Variants in FAS observed in about 807,000 individuals in gnomAD.
FAS encodes the protein Fas cell surface death receptor, also known as tumor necrosis factor receptor superfamily member 6.
In FAS, 5 loss-of-function variants were observed where a neutral mutation model predicts 33.2. That is an observed-to-expected ratio of 0.15 (90% confidence interval 0.08 to 0.32). FAS has a LOEUF of 0.32. Ranked by LOEUF, FAS falls within the 10% of genes least tolerant of loss-of-function variation. FAS has a pLI of 1.00. For synonymous variants in FAS, 131 were observed against 130.7 expected, an observed-to-expected ratio of 1.00 and a Z score of -0.01; for missense variants, 339 against 386.0, an observed-to-expected ratio of 0.88 and a Z score of 1.02.
chr10:88,981,003 G>A (rs1432234541), intron 2 of FAS, among the ~76,000 whole-genome samples: 1 of 152,200 alleles, frequency 6.6e-6, no homozygotes, highest in African/African-American at 2.4e-5. Context: ...TTGGACTATG[G>A]AGGAATAGGG....
At chr10:88,973,164 C>T in intron 1 of FAS, 1 of 1,605,798 alleles carries the variant, frequency 6.2e-7, no homozygotes, top group Non-Finnish European at 8.5e-7. Flanking sequence ...CCTTCCCTTT[C>T]TTCTGTGTGA....
At chr10:88,968,524 A>T (rs189222015) in intron 1 of FAS, among the ~76,000 whole-genome samples, 41 of 152,312 alleles carry the variant, frequency 2.7e-4, no homozygotes, top group African/African-American at 9.4e-4. Context: ...GGCACAGTGC[A>T]TTTTGCACAC....
At chr10:88,984,561 G>C (rs1186082390), upstream of FAS, among the ~76,000 whole-genome samples, 3 of 152,204 alleles carry the variant, frequency 2.0e-5, no homozygotes, top group African/African-American at 7.2e-5. Flanking sequence ...AGATATCCCA[G>C]TGTTTGCAAA....
rs1761300609 is a variant in FAS at position 89,013,273 on chromosome 10, G to T, written c.652-70G>T. The T allele has an allele frequency of 4.1e-6, 6 of 1,464,128 alleles. No individual in the cohort carries two copies. The African/African-American group carries it at 5.6e-5, about 14-fold the overall frequency. The allele number at this position is 1,464,128 out of a possible 1,614,324, so 90.7% of individuals were successfully genotyped here. A position where few individuals can be genotyped will look rare whatever the true frequency, so the allele number is the denominator to read the frequency against. On this transcript the variant is annotated intron_variant, in intron 7 of 8. Coordinates refer to ENST00000652046, the MANE Select transcript of FAS (RefSeq NM_000043.6). Reference sequence around the variant, plus strand: ...TTTCTGAATTAAGGAAAAATTAGAAGTTCACATTTAGAATATTCTAAAGAT... The same window carrying T: ...TTTCTGAATTAAGGAAAAATTAGAATTTCACATTTAGAATATTCTAAAGAT...
chr10:89,010,683 T>C (rs1848485338), intron 5 of FAS, 70 bp from the exon 6 acceptor site: 1 of 1,606,782 alleles, frequency 6.2e-7, no homozygotes, highest in South Asian at 1.1e-5. Flanking sequence ...TCTTGATTAC[T>C]AGAAAGTCCT....
intron 1 of FAS, among the ~76,000 whole-genome samples, chr10:88,971,043 C>T (rs1846434211): frequency 6.6e-6 from 1 of 152,238 alleles, no homozygotes; most frequent in Non-Finnish European, 1.5e-5. Flanking sequence ...ACCTTGTCTT[C>T]TGTCATGATC....
At chr10:88,979,978 G>A (rs1213322479) in intron 2 of FAS, among the ~76,000 whole-genome samples, 1 of 152,228 alleles carries the variant, frequency 6.6e-6, no homozygotes, top group East Asian at 1.9e-4. Flanking sequence ...GAGCTTGACA[G>A]ATGCAGAAAA....
chr10:89,004,521 C>T (rs1046507436), intron 2 of FAS, among the ~76,000 whole-genome samples: 2 of 142,108 alleles, frequency 1.4e-5, no homozygotes, highest in African/African-American at 2.6e-5. Flanking sequence ...CCCCCTCCCC[C>T]CAACCCACTG....
rs1564701209 is a variant in FAS at position 89,015,012 on chromosome 10, A to G, written c.*562A>G. Reference sequence around the variant, plus strand: ...AGAATTTAAATAAGGCTCTACCTCAAAGACCTTTGCACAGTTTATTGGTGT... The same window carrying G: ...AGAATTTAAATAAGGCTCTACCTCAGAGACCTTTGCACAGTTTATTGGTGT... On this transcript the variant is annotated 3_prime_UTR_variant, in exon 9 of 9. Transcript: ENST00000652046. 1.1e-5 allele frequency: 6 copies of G among 532,996 alleles called. No homozygotes were observed. Among genetic ancestry groups the G allele is most frequent in the Admixed American group, 2.2e-5 (1 of 44,926 alleles). The allele number at this position is 532,996 out of a possible 1,614,324, so 33.0% of individuals were successfully genotyped here.
intron 1 of FAS, among the ~76,000 whole-genome samples, chr10:89,000,122 G>A (rs1457825389): frequency 6.6e-6 from 1 of 152,168 alleles, no homozygotes. Flanking sequence ...GAAATAAAAT[G>A]GCTTTGATTA....
rs2133385516 is a variant in FAS, at chr10:88,990,989, C to T, written c.30+83C>T. 1.3e-6 allele frequency: 2 copies of T among 1,593,584 alleles called. No homozygotes were observed. The highest frequency in any genetic ancestry group is 1.7e-6 in the Non-Finnish European group (2 of 1,163,416). On this transcript the variant is annotated intron_variant, in intron 1 of 8. Coordinates refer to ENST00000652046, the MANE Select transcript of FAS (RefSeq NM_000043.6). This position sits in a 1 kb window ranked among gnomAD's most constrained non-coding sequence, Gnocchi z 4.9. ...AAGTGGGGCGGGCGCGGGACGCGTG[C>T]GGGATTGCGGCGGCAGCGGCGCACG... is the stretch of plus-strand genomic sequence containing the variant.
chr10:88,991,159 G>T, intron 1 of FAS: 1 of 591,124 alleles, frequency 1.7e-6, no homozygotes, highest in Non-Finnish European at 3.0e-6. Flanking sequence ...TGACCCCGCT[G>T]GGCAGGCGGG....
upstream of FAS, among the ~76,000 whole-genome samples, chr10:88,981,939 C>T (rs1444033654): frequency 6.6e-6 from 1 of 152,144 alleles, no homozygotes; most frequent in African/African-American, 2.4e-5. Flanking sequence ...TGAACTTGAT[C>T]GAGTTACCTC....
upstream of FAS, among the ~76,000 whole-genome samples, chr10:88,990,206 A>G (rs1800682): frequency 0.54 from 81,523 of 152,064 alleles, 22,963 homozygotes; most frequent in African/African-American, 0.72. The surrounding 1 kb of genome is among the most constrained non-coding windows in gnomAD (Gnocchi z 4.9). Flanking sequence ...TCCATTCCAG[A>G]AACGTCTGTG....
At chr10:88,976,302 G>A (rs1408030928) in intron 2 of FAS, among the ~76,000 whole-genome samples, 1 of 152,170 alleles carries the variant, frequency 6.6e-6, no homozygotes, top group Non-Finnish European at 1.5e-5. Context: ...TGTGGCCCAC[G>A]GGCCGTGGGT....
chr10:88,988,703 A>G (rs1316026479), upstream of FAS, among the ~76,000 whole-genome samples: 1 of 152,202 alleles, frequency 6.6e-6, no homozygotes, highest in Admixed American at 6.5e-5. Context: ...AGAGATGCCC[A>G]AACTGTTTTC....
chr10:89,005,101 G>GA (rs1460745916), intron 2 of FAS, among the ~76,000 whole-genome samples: 5 of 129,220 alleles, frequency 3.9e-5, no homozygotes, highest in South Asian at 2.5e-4. Flanking sequence ...TAAGTAGTAG[G>GA]AAAAATCACA....
intron 2 of FAS, among the ~76,000 whole-genome samples, chr10:88,978,862 T>C (rs1846638636): frequency 6.6e-6 from 1 of 152,060 alleles, no homozygotes; most frequent in African/African-American, 2.4e-5. Context: ...TTCCTTATTC[T>C]TTCTGTCCTT....
intron 2 of FAS, among the ~76,000 whole-genome samples, chr10:89,005,687 A>G (rs1324382227): frequency 6.6e-6 from 1 of 152,092 alleles, no homozygotes; most frequent in Non-Finnish European, 1.5e-5. Flanking sequence ...GTCCAGGCTG[A>G]AGTGCAGTGG....
Sources: gnomAD v4.1 joint callset for allele counts (sites outside exome capture counted in the v4.1 genomes callset) on GRCh38, gnomAD v4.1.1 for gene constraint, Gnocchi (gnomAD v3.1) non-coding constraint, MANE v1.5 for transcripts, NCBI Gene and HGNC (gene_info 2026-07-23, HGNC 2026-07-21) for gene names.